The following RWDD1 variants were observed in gnomAD, a reference collection of about 807,000 sequenced individuals.
The protein encoded by RWDD1 is RWD domain-containing protein 1.
In RWDD1, 17 loss-of-function variants were observed where a neutral mutation model predicts 31.6. The ratio of observed to expected loss-of-function variants is 0.54; its 90% CI spans 0.37 to 0.81. The LOEUF is 0.81. Ranked by LOEUF, RWDD1 falls within the 30% of genes least tolerant of loss-of-function variation. The pLI, the probability that RWDD1 is intolerant of heterozygous loss-of-function variation, is 0.00. For missense variants in RWDD1, 204 were observed against 274.5 expected (o/e 0.74, Z 1.82); for synonymous variants, 78 against 94.2 (o/e 0.83, Z 0.99).
At chr6:116,572,163 G>GA (rs11341558) in intron 1 of RWDD1, among the ~76,000 whole-genome samples, 2,518 of 148,602 alleles carry the variant, frequency 0.017, 49 homozygotes, top group African/African-American at 0.05. Flanking sequence ...CTTTTCTTAT[G>GA]AAAAAAAAAA....
Position 116,580,371 on chromosome 6 carries a change from T to TA in RWDD1, c.139+17dup. On this transcript the variant is annotated intron_variant, in intron 2 of 6. Transcript: ENST00000466444. ...GAGAAAATGATGAAAGTAAGTCTTA[T>TA]AAAAAATACTTGTGGTTTTTCTAAA... 2 of 1,574,500 alleles carry TA rather than the reference T, an allele frequency of 1.3e-6. No homozygotes were observed. The highest frequency in any genetic ancestry group is 1.7e-6 in the Non-Finnish European group (2 of 1,152,858).
In RWDD1 at chr6:116,583,808, A is replaced by C. The variant is rs186420846; in HGVS notation, c.140-919A>C. On this transcript the variant is annotated intron_variant, in intron 2 of 6. Coordinates refer to ENST00000466444, the MANE Select transcript of RWDD1 (RefSeq NM_015952.4). ...TGTTTCTTACTGACCTCTAACACTT[A>C]ATCTTTTGCAATTTTTGGTTCATAA... 1.7e-3 allele frequency among the ~76,000 whole-genome samples: 261 copies of C among 152,380 alleles called. 1 individual carries two copies. Among genetic ancestry groups the C allele is most frequent in the Non-Finnish European group, 2.5e-3 (170 of 68,044 alleles).
At chr6:116,582,453 T>G (rs2115329190) in intron 2 of RWDD1, among the ~76,000 whole-genome samples, 1 of 152,178 alleles carries the variant, frequency 6.6e-6, no homozygotes, top group East Asian at 1.9e-4. Flanking sequence ...TAAACTTTAT[T>G]TTTTTAATTT....
intron 3 of RWDD1, among the ~76,000 whole-genome samples, chr6:116,586,423 T>C (rs928620220): frequency 6.6e-6 from 1 of 152,114 alleles, no homozygotes; most frequent in Non-Finnish European, 1.5e-5. Context: ...TTTTATAATA[T>C]TCTCTTTTGC....
At chr6:116,575,440 G>A (rs1008387049) in intron 1 of RWDD1, among the ~76,000 whole-genome samples, 5 of 152,136 alleles carry the variant, frequency 3.3e-5, no homozygotes, top group Non-Finnish European at 7.4e-5. Flanking sequence ...CCTTAGTGAA[G>A]ACTAATCTTT....
chr6:116,579,521 A>C (rs1774911717), intron 1 of RWDD1, among the ~76,000 whole-genome samples: 1 of 152,212 alleles, frequency 6.6e-6, no homozygotes. Flanking sequence ...GTTTCTAGAT[A>C]CTGCCAGATA....
chr6:116,591,098 T>TAAAAA, intron 6 of RWDD1, 148 bp downstream of exon 6: 1 of 810,918 alleles, frequency 1.2e-6, no homozygotes, highest in Non-Finnish European at 1.6e-6. Flanking sequence ...CTGACTCTAT[T>TAAAAA]AAAAAAAAAA....
At chr6:116,588,230 A>C (rs1775077081) in intron 3 of RWDD1, among the ~76,000 whole-genome samples, 1 of 152,174 alleles carries the variant, frequency 6.6e-6, no homozygotes, top group South Asian at 2.1e-4. Flanking sequence ...AATGCCTAGT[A>C]ATCTCTGCTT....
intron 1 of RWDD1, chr6:116,573,056 G>A: frequency 1.2e-5 from 11 of 924,538 alleles, no homozygotes; most frequent in African/African-American, 1.8e-5. Flanking sequence ...TAGAATATAG[G>A]GTCAGTTGTT....
At chr6:116,584,191 G>A (rs1479539472) in intron 2 of RWDD1, among the ~76,000 whole-genome samples, 1 of 152,182 alleles carries the variant, frequency 6.6e-6, no homozygotes, top group African/African-American at 2.4e-5. Context: ...AAAAGAGTGA[G>A]TGAGAATATA....
chr6:116,591,063 C>T, intron 6 of RWDD1, 113 bp downstream of exon 6: 2 of 1,370,296 alleles, frequency 1.5e-6, no homozygotes, highest in Non-Finnish European at 1.9e-6. Context: ...GAGTTTGAGA[C>T]CAGACTGGGC....
chr6:116,577,677 G>C lies in RWDD1; in HGVS notation c.74-2618G>C, dbSNP rs544312698. Among the ~76,000 whole-genome samples the C allele has an allele frequency of 1.2e-4, 19 of 152,064 alleles. No homozygotes were observed. The South Asian group carries it at 1.9e-3, about 15-fold the overall frequency. On this transcript the variant is annotated intron_variant, in intron 1 of 6. Coordinates refer to ENST00000466444, the MANE Select transcript of RWDD1 (RefSeq NM_015952.4). ...TGCTATTCCCATTGCTGCCGACCTA[G>C]TTCAGGACCTTATTACCTTTGCCTG...
chr6:116,578,539 C>T (rs1458706161), intron 1 of RWDD1, among the ~76,000 whole-genome samples: 1 of 152,192 alleles, frequency 6.6e-6, no homozygotes, highest in Non-Finnish European at 1.5e-5. Flanking sequence ...TGTCATTGGG[C>T]TGATCCCTTA....
At chr6:116,579,667 GTGTCT>G (rs1304180487) in intron 1 of RWDD1, among the ~76,000 whole-genome samples, 5 of 152,262 alleles carry the variant, frequency 3.3e-5, no homozygotes, top group Non-Finnish European at 7.4e-5. Context: ...GTTGATTTAT[GTGTCT>G]TGTCTTGCTT....
At position 116,571,675 on chromosome 6, in the gene RWDD1, G is replaced by A. The variant is rs1774738106; in HGVS notation, c.73+20G>A. 1 of 1,607,320 alleles carries A rather than the reference G, an allele frequency of 6.2e-7. No individual in the cohort carries two copies. The highest frequency in any genetic ancestry group is 8.5e-7 in the Non-Finnish European group (1 of 1,176,454). On this transcript the variant is annotated intron_variant, in intron 1 of 6. Coordinates refer to ENST00000466444, the MANE Select transcript of RWDD1 (RefSeq NM_015952.4). ...TCACAGGTGACTCCCGCGGCCGCAA[G>A]CCTGTAGCCGCCCCGAGGTGGAGTA... is the stretch of plus-strand genomic sequence containing the variant.
rs544176151 is a variant in RWDD1 at position 116,593,857 on chromosome 6, A to G, written c.*756A>G. ...CTACTCGGGAGGCTGAGGCAGGACA[A>G]TGGCGTGAACCCGGGAGGTGGAGCT... On this transcript the variant is annotated 3_prime_UTR_variant, in exon 7 of 7. Transcript: ENST00000466444. 1.3e-5 allele frequency: 2 copies of G among 152,130 alleles called. No homozygotes were observed. Among genetic ancestry groups the G allele is most frequent in the African/African-American group, 2.4e-5 (1 of 41,446 alleles). 9.4% of individuals were successfully genotyped at this position (152,130 alleles called of 1,614,324 possible). A position where few individuals can be genotyped will look rare whatever the true frequency, so the allele number is the denominator to read the frequency against.
rs559005290 is a variant in RWDD1 at position 116,593,050 on chromosome 6, A to T, written c.681A>T (p.Glu227Asp). The T allele has an allele frequency of 2.5e-6, 4 of 1,613,832 alleles. No individual in the cohort carries two copies. Among genetic ancestry groups the T allele is most frequent in the Non-Finnish European group, 3.4e-6 (4 of 1,179,906 alleles). Residue 227 changes from glutamate to aspartate, a missense_variant, in exon 7 of 7, where the codon GAA (glutamate) becomes GAT (aspartate). By Grantham distance (45) the Glu-to-Asp change is conservative. Transcript: ENST00000466444. The stretch of plus-strand genomic sequence containing the variant: ...ATGACTTGGAGCTGGAGGATGATGA[A>T]GATGATCCAGACTATAATCCTGCTG... Reference protein sequence around the residue: ...EMDDLELEDDEDDPDYNPADP... With the variant: ...EMDDLELEDDDDDPDYNPADP...
At chr6:116,584,381 C>T (rs190870197) in intron 2 of RWDD1, among the ~76,000 whole-genome samples, 10 of 126,652 alleles carry the variant, frequency 7.9e-5, no homozygotes, top group Admixed American at 1.7e-4. Flanking sequence ...AATGAGCATA[C>T]GGTAGTCTTT....
chr6:116,580,113 C>T (rs1160196700), intron 1 of RWDD1, 182 bp from the exon 2 acceptor site: 1 of 375,952 alleles, frequency 2.7e-6, no homozygotes, highest in African/African-American at 2.1e-5. Flanking sequence ...AGACAACCCT[C>T]CATTTAAATA....
Sources: gnomAD v4.1 joint callset for allele counts (sites outside exome capture counted in the v4.1 genomes callset) on GRCh38, gnomAD v4.1.1 for gene constraint, MANE v1.5 for transcripts, NCBI Gene and HGNC (gene_info 2026-07-23, HGNC 2026-07-21) for gene names.